PDE2A: variants seen among roughly 807,000 people sequenced by gnomAD.
PDE2A encodes phosphodiesterase 2A.
Under a neutral mutation model 133.6 loss-of-function variants are expected in PDE2A, and 53 were observed. That is an observed-to-expected ratio of 0.40 (90% CI 0.32 to 0.50). The LOEUF is 0.50. Among genes scored for constraint, PDE2A ranks in the 20% least tolerant of loss-of-function variants. The pLI, the probability that PDE2A is intolerant of heterozygous loss-of-function variation, is 0.73. For missense variants in PDE2A, 796 were observed against 1,232.4 expected, an observed-to-expected ratio of 0.65 and a Z score of 5.30; for synonymous variants, 491 against 490.2, an observed-to-expected ratio of 1.00 and a Z score of -0.02.
At chr11:72,646,565 C>A (rs1344791552) in intron 1 of PDE2A, among the ~76,000 whole-genome samples, 2 of 152,224 alleles carry the variant, frequency 1.3e-5, no homozygotes, top group East Asian at 1.9e-4. Flanking sequence ...AAAGCCAGGG[C>A]AGGTTCACTC....
chr11:72,622,284 A>G (rs1857811380), intron 2 of PDE2A, among the ~76,000 whole-genome samples: 1 of 152,256 alleles, frequency 6.6e-6, no homozygotes, highest in Non-Finnish European at 1.5e-5. Context: ...AAGATACAGA[A>G]AACAGTATGG....
intron 10 of PDE2A, 52 bp from the exon 11 acceptor site, chr11:72,589,844 C>A: frequency 6.2e-7 from 1 of 1,607,040 alleles, no homozygotes; most frequent in Admixed American, 1.7e-5. Flanking sequence ...TGGATTTCCC[C>A]CTCGGAGACC....
chr11:72,599,018 A>T (rs1459374636), intron 4 of PDE2A: 1 of 985,282 alleles, frequency 1.0e-6, no homozygotes, highest in Non-Finnish European at 1.2e-6. Context: ...ATGAAGGCTG[A>T]GGCTTCACGG....
intron 2 of PDE2A, among the ~76,000 whole-genome samples, chr11:72,624,214 C>G (rs1249607085): frequency 6.6e-6 from 1 of 152,204 alleles, no homozygotes; most frequent in South Asian, 2.1e-4. Flanking sequence ...AACTCCTGAC[C>G]TCAGGTGATC....
At chr11:72,633,364 C>A (rs1024164081) in intron 2 of PDE2A, among the ~76,000 whole-genome samples, 1 of 152,234 alleles carries the variant, frequency 6.6e-6, no homozygotes, top group South Asian at 2.1e-4. Context: ...CCTGAAGACA[C>A]TGAAGGAGTG....
intron 4 of PDE2A, among the ~76,000 whole-genome samples, chr11:72,601,817 C>A (rs557000089): frequency 6.6e-6 from 1 of 152,286 alleles, no homozygotes; most frequent in South Asian, 2.1e-4. Flanking sequence ...GCCCCAAGGT[C>A]GTTTGCAGCC....
rs909871203 is a variant in PDE2A, at chr11:72,581,955, G to T, written c.1852-8C>A. ...CAGCATGCTCAGGATGGCCTGGAGA[G>T]GGCAGAGGGAGGTATCAGAGGGGCT... On this transcript the variant is annotated splice_polypyrimidine_tract_variant and splice_region_variant and intron_variant, in intron 21 of 30. Transcript: ENST00000334456. 6.2e-7 allele frequency: 1 copy of T among 1,613,432 alleles called. No homozygotes were observed. Among genetic ancestry groups the T allele is most frequent in the Admixed American group, 1.7e-5 (1 of 60,022 alleles).
chr11:72,672,637 T>G (rs1855411996), intron 1 of PDE2A, among the ~76,000 whole-genome samples: 1 of 152,070 alleles, frequency 6.6e-6, no homozygotes, highest in South Asian at 2.1e-4. Context: ...CTCTATACAG[T>G]GTCTTCACTG....
intron 2 of PDE2A, among the ~76,000 whole-genome samples, chr11:72,624,884 A>C (rs529283291): frequency 1.4e-4 from 21 of 152,328 alleles, no homozygotes; most frequent in Non-Finnish European, 3.1e-4. Context: ...ACTTGATATT[A>C]CACGTCATAA....
At position 72,674,295 on chromosome 11, in the gene PDE2A, G is replaced by A. The variant is rs1353113914; in HGVS notation, c.-88C>T. ...TGGAGTTCAGGGCAGGGCACCCCCA[G>A]CAGGCACAGGGACCAAGAGCAGTGG... On this transcript the variant is annotated 5_prime_UTR_variant, in exon 1 of 31. Transcript: ENST00000334456. The A allele has an allele frequency of 1.7e-5, 23 of 1,348,696 alleles. No individual in the cohort carries two copies. Among genetic ancestry groups the A allele is most frequent in the East Asian group, 7.6e-5 (3 of 39,632 alleles). The allele number at this position is 1,348,696 out of a possible 1,614,324, so 83.5% of individuals were successfully genotyped here.
chr11:72,598,361 G>A, intron 4 of PDE2A: 1 of 454,600 alleles, frequency 2.2e-6, no homozygotes, highest in Non-Finnish European at 4.0e-6. Context: ...GGGGGCAGGT[G>A]TGAGTGGCAG....
intron 2 of PDE2A, chr11:72,636,111 C>G (rs1235900281): frequency 8.1e-7 from 1 of 1,231,674 alleles, no homozygotes; most frequent in Non-Finnish European, 1.1e-6. Context: ...TGCCTGCCCC[C>G]TGAAGCCACC....
Position 72,642,313 on chromosome 11 carries a change from C to A in PDE2A, c.85G>T (p.Val29Phe). The change falls in exon 2 of 31, where the codon GTC (valine) becomes TTC (phenylalanine). Residue 29 changes from valine (V) to phenylalanine (F), a missense_variant. By Grantham distance (50) the Val-to-Phe change is conservative (BLOSUM62 -1). Transcript: ENST00000334456. ...ARPAEPRGQQ[V>F]FLKPDEPPPP... is the part of the protein sequence containing the mutation. ...GGCGGCTCGTCCGGCTTGAGGAAGA[C>A]CTGCTGGCCCCGCCTGAGGAATTGG... is the stretch of plus-strand genomic sequence containing the variant. 1 of 1,539,514 alleles carries A rather than the reference C, an allele frequency of 6.5e-7. No individual in the cohort carries two copies. The highest frequency in any genetic ancestry group is 8.7e-7 in the Non-Finnish European group (1 of 1,145,762).
intron 1 of PDE2A, among the ~76,000 whole-genome samples, chr11:72,651,003 C>T (rs1312292695): frequency 6.6e-6 from 1 of 151,956 alleles, no homozygotes; most frequent in South Asian, 2.1e-4. Context: ...GACCAAGGCC[C>T]CATACTCTGA....
chr11:72,576,738 C>T lies in PDE2A; in HGVS notation c.*646G>A, dbSNP rs549281778. The T allele has an allele frequency of 4.2e-4, 72 of 169,482 alleles. No homozygotes were observed. Among genetic ancestry groups the T allele is most frequent in the Non-Finnish European group, 7.8e-4 (53 of 68,372 alleles). 10.5% of individuals were successfully genotyped at this position (169,482 alleles called of 1,614,324 possible). ...GGGCCTGTCTCCCAGTGCGGGGATC[C>T]CTCCTGCCCATCAATCCCATCCTGC... is the stretch of plus-strand genomic sequence containing the variant. On this transcript the variant is annotated 3_prime_UTR_variant, in exon 31 of 31. Transcript: ENST00000334456.
At chr11:72,660,736 C>A (rs778016871) in intron 1 of PDE2A, among the ~76,000 whole-genome samples, 1 of 152,106 alleles carries the variant, frequency 6.6e-6, no homozygotes, top group Non-Finnish European at 1.5e-5. Flanking sequence ...TACTCAGTGG[C>A]ACGGGTTAGG....
intron 15 of PDE2A, 29 bp downstream of exon 15, chr11:72,585,525 C>G: frequency 6.2e-7 from 1 of 1,613,732 alleles, no homozygotes; most frequent in Non-Finnish European, 8.5e-7. Flanking sequence ...TGCCCACACA[C>G]AGCCAGGCAG....
chr11:72,583,555 C>T, intron 19 of PDE2A, 40 bp from the exon 20 acceptor site: 1 of 1,428,830 alleles, frequency 7.0e-7, no homozygotes, highest in South Asian at 1.1e-5. Context: ...AGGAAGGTGG[C>T]TGTGAAAATT....
intron 1 of PDE2A, among the ~76,000 whole-genome samples, chr11:72,648,941 C>G (rs535587749): frequency 6.6e-6 from 1 of 152,324 alleles, no homozygotes; most frequent in East Asian, 1.9e-4. Context: ...GGTGGCCACG[C>G]CTGCTTCTGT....
Sources: allele counts gnomAD v4.1 joint callset (sites outside exome capture counted in the v4.1 genomes callset), GRCh38; gene constraint gnomAD v4.1.1; transcripts MANE v1.5; gene names NCBI Gene and HGNC (gene_info 2026-07-23, HGNC 2026-07-21).